NOS1: variants seen among roughly 807,000 people sequenced by gnomAD.
NOS1 encodes NOS type I.
Under a neutral mutation model 164.5 loss-of-function variants are expected in NOS1, and 51 were observed. That is an observed-to-expected ratio of 0.31 (90% CI 0.25 to 0.39). NOS1 has a LOEUF of 0.39. Among genes scored for constraint, NOS1 ranks in the 10% least tolerant of loss-of-function variants. The pLI, the probability that NOS1 is intolerant of heterozygous loss-of-function variation, is 1.00. For missense variants in NOS1, 1,362 were observed against 1,885.6 expected, an observed-to-expected ratio of 0.72 and a Z score of 5.14; for synonymous variants, 719 against 745.8, an observed-to-expected ratio of 0.96 and a Z score of 0.59.
chr12:117,320,418 T>C (rs1874860811), intron 2 of NOS1, among the ~76,000 whole-genome samples: 2 of 152,194 alleles, frequency 1.3e-5, no homozygotes, highest in Non-Finnish European at 1.5e-5. Flanking sequence ...AGCTAAAGGA[T>C]GCAAGGAATG....
intron 1 of NOS1, among the ~76,000 whole-genome samples, chr12:117,349,455 T>C (rs1876514591): frequency 6.6e-6 from 1 of 152,158 alleles, no homozygotes. Flanking sequence ...GTTTGAATAC[T>C]TCTTTTCAAT....
intron 1 of NOS1, among the ~76,000 whole-genome samples, chr12:117,357,646 G>GTATTT (rs1876915877): frequency 6.6e-5 from 10 of 152,078 alleles, no homozygotes; most frequent in African/African-American, 2.4e-4. Flanking sequence ...ATCTCCTGGA[G>GTATTT]CAACCTTGTT....
chr12:117,334,637 C>A (rs1052955309), intron 1 of NOS1, among the ~76,000 whole-genome samples: 1 of 152,154 alleles, frequency 6.6e-6, no homozygotes, highest in African/African-American at 2.4e-5. Flanking sequence ...TCAAGTGATC[C>A]GCCTGCCTCA....
intron 1 of NOS1, among the ~76,000 whole-genome samples, chr12:117,333,796 T>G (rs1875668180): frequency 6.6e-6 from 1 of 152,172 alleles, no homozygotes; most frequent in East Asian, 1.9e-4. Context: ...GGTTCTGGTT[T>G]GCAGGGAAAC....
intron 26 of NOS1, among the ~76,000 whole-genome samples, chr12:117,222,039 A>G (rs1956715255): frequency 6.6e-6 from 1 of 151,964 alleles, no homozygotes; most frequent in Non-Finnish European, 1.5e-5. Flanking sequence ...CAGTGGCATT[A>G]AGTACCCTTC....
At chr12:117,309,198 G>T in intron 3 of NOS1, 1 of 209,264 alleles carries the variant, frequency 4.8e-6, no homozygotes, top group Non-Finnish European at 8.3e-6. Flanking sequence ...ATGCTTCAGT[G>T]TGGTCTTGAC....
rs764277577 is a variant in NOS1, at chr12:117,265,351, G to A, written c.2101C>T (p.Leu701Phe). The stretch of plus-strand genomic sequence containing the variant: ...AAGGAGGGGGTGAGCCGGTAGTTGA[G>A]CATCTCCTGGTGGAACACAGGGGTG... The part of the protein sequence containing the change: ...SITPVFHQEM[L>F]NYRLTPSFEY... Residue 701 changes from leucine (L) to phenylalanine (F), a missense_variant, in exon 12 of 29, where the codon CTC becomes TTC. This residue lies in a region of NOS1 where 737 missense variants were observed against 1,030.3 expected (regional missense o/e 0.72). Transcript: ENST00000317775. The A allele has an allele frequency of 5.7e-6, 9 of 1,566,284 alleles. No homozygotes were observed. The highest frequency in any genetic ancestry group is 6.9e-6 in the Non-Finnish European group (8 of 1,151,206).
rs1956562048 is a variant in NOS1 at position 117,213,702 on chromosome 12, T to G, written c.*1607A>C. ...GTATATAAAAGAAATGTGGTTTTTCTGTATAGCAAGACACAACAAACAGGG... is the reference window on the plus strand; with the variant it reads ...GTATATAAAAGAAATGTGGTTTTTCGGTATAGCAAGACACAACAAACAGGG... On this transcript the variant is annotated 3_prime_UTR_variant, in exon 29 of 29. Coordinates refer to ENST00000317775, the MANE Select transcript of NOS1 (RefSeq NM_000620.5). The G allele has an allele frequency of 1.0e-6, 1 of 985,458 alleles. No individual in the cohort carries two copies. The highest frequency in any genetic ancestry group is 1.1e-4 in the East Asian group (1 of 8,816). 61.0% of individuals were successfully genotyped at this position (985,458 alleles called of 1,614,324 possible). A position where few individuals can be genotyped will look rare whatever the true frequency, so the allele number is the denominator to read the frequency against.
intron 3 of NOS1, chr12:117,304,922 C>T (rs1023387326): frequency 1.2e-5 from 9 of 775,312 alleles, no homozygotes; most frequent in Non-Finnish European, 1.1e-5. Context: ...CTTATAGTCT[C>T]CTGTGTTAGG....
intron 1 of NOS1, among the ~76,000 whole-genome samples, chr12:117,345,702 T>G (rs1454733244): frequency 1.3e-5 from 2 of 152,198 alleles, no homozygotes; most frequent in African/African-American, 4.8e-5. Context: ...CTTTTATCAA[T>G]TAACACTTAG....
Position 117,278,070 on chromosome 12 carries a change from G to T in NOS1, c.1553C>A (p.Pro518His). The T allele has an allele frequency of 6.2e-7, 1 of 1,613,912 alleles. No individual in the cohort carries two copies. The highest frequency in any genetic ancestry group is 8.5e-7 in the Non-Finnish European group (1 of 1,179,938). ...CGGCAGGACATCGAAGCGGCCTCTA[G>T]GCGGTTTCCAGCCCTGCTGTATGCA... ...EICIQQGWKPPRGRFDVLPLL... is the reference protein window; with the variant it reads ...EICIQQGWKPHRGRFDVLPLL... Residue 518 changes from proline (P) to histidine (H), a missense_variant, in exon 9 of 29, where the codon CCT (proline) becomes CAT (histidine). By Grantham distance (77) the Pro-to-His change is moderately conservative. Transcript: ENST00000317775.
At chr12:117,334,661 C>T (rs941939358) in intron 1 of NOS1, among the ~76,000 whole-genome samples, 1 of 152,222 alleles carries the variant, frequency 6.6e-6, no homozygotes, top group Non-Finnish European at 1.5e-5. Flanking sequence ...TCCCAAAGTG[C>T]TGGGATTACA....
intron 16 of NOS1, among the ~76,000 whole-genome samples, chr12:117,254,442 G>C (rs7957789): frequency 0.021 from 3,172 of 152,214 alleles, 104 homozygotes; most frequent in African/African-American, 0.072. Context: ...GAATCATCCT[G>C]GGATTTCATT....
chr12:117,278,030 G>C lies in NOS1; in HGVS notation c.1593C>G (p.Ala531=), dbSNP rs772674904. Residue 531 remains alanine (A), a synonymous_variant, in exon 9 of 29, where the codon GCC becomes GCG. Coordinates refer to ENST00000317775, the MANE Select transcript of NOS1 (RefSeq NM_000620.5). ...GGAAGAGCTCAGGGTCATTGCCGTTGGCCTGAAGCAGGAGCGGCAGGACAT... is the reference window on the plus strand; with the variant it reads ...GGAAGAGCTCAGGGTCATTGCCGTTCGCCTGAAGCAGGAGCGGCAGGACAT... ...RFDVLPLLLQ[A]NGNDPELFQI... 2.5e-6 allele frequency: 4 copies of C among 1,614,088 alleles called. No homozygotes were observed. The highest frequency in any genetic ancestry group is 3.4e-6 in the Non-Finnish European group (4 of 1,179,972).
chr12:117,290,150 C>T (rs760023037), intron 4 of NOS1, 148 bp downstream of exon 4: 27 of 808,044 alleles, frequency 3.3e-5, no homozygotes, highest in Middle Eastern at 3.8e-4. Context: ...TGGAAGGGGG[C>T]GTACTGACAT....
intron 10 of NOS1, among the ~76,000 whole-genome samples, chr12:117,271,136 GA>G (rs1229752046): frequency 6.6e-6 from 1 of 152,174 alleles, no homozygotes; most frequent in African/African-American, 2.4e-5. Flanking sequence ...GCAAAATGCA[GA>G]TACCCAGGGC....
Position 117,337,104 on chromosome 12 carries a change from C to CTATTTTTTTTTT in NOS1, c.-420-5616_-420-5615insAAAAAAAAAATA, listed in dbSNP as rs1566082153. On this transcript the variant is annotated intron_variant, in intron 1 of 28. Transcript: ENST00000317775. ...AGCCACTGTACCCAGCTGCTTTTTACTCTTTTTTTTTTTTTTTTTTTTTTT... is the reference window on the plus strand; with the variant it reads ...AGCCACTGTACCCAGCTGCTTTTTACTATTTTTTTTTTTCTTTTTTTTTTTTTTTTTTTTTTT... Among the ~76,000 whole-genome samples the CTATTTTTTTTTT allele has an allele frequency of 3.2e-5, 3 of 94,074 alleles. 1 individual carries two copies. Among genetic ancestry groups the CTATTTTTTTTTT allele is most frequent in the Non-Finnish European group, 2.1e-5 (1 of 47,796 alleles). 61.7% of individuals were successfully genotyped at this position (94,074 alleles called of 152,430 possible).
At position 117,356,960 on chromosome 12, in the gene NOS1, T is replaced by C. The variant is rs1876881411; in HGVS notation, c.-421+4552A>G. Among the ~76,000 whole-genome samples, 1 of 152,224 alleles carries C rather than the reference T, an allele frequency of 6.6e-6. No homozygotes were observed. Among genetic ancestry groups the C allele is most frequent in the African/African-American group, 2.4e-5 (1 of 41,460 alleles). On this transcript the variant is annotated intron_variant, in intron 1 of 28. Transcript: ENST00000317775. The surrounding 1 kb of genome is among the most constrained non-coding windows in gnomAD (Gnocchi z 4.2). ...ATGGCTTTGGTGAAATCAGTGGTAG[T>C]TAAACTGGGTTTATTAGCTCTGTGA...
At chr12:117,327,036 G>C (rs537838385) in intron 2 of NOS1, among the ~76,000 whole-genome samples, 3 of 152,202 alleles carry the variant, frequency 2.0e-5, no homozygotes, top group South Asian at 2.1e-4. Flanking sequence ...CAGACTCCTG[G>C]AGTTCTGGGG....
Sources: allele counts gnomAD v4.1 joint callset (sites outside exome capture counted in the v4.1 genomes callset), GRCh38; gene constraint gnomAD v4.1.1; regional missense constraint gnomAD v4.1.1; non-coding constraint Gnocchi (gnomAD v3.1); transcripts MANE v1.5; gene names NCBI Gene and HGNC (gene_info 2026-07-23, HGNC 2026-07-21).